The following TRPC4 variants were observed in gnomAD, a reference collection of about 807,000 sequenced individuals.
TRPC4 encodes short transient receptor potential channel 4.
TRPC4 carries 49 observed loss-of-function variants against 99.4 expected under a neutral mutation model. The observed-to-expected ratio is 0.49, with a 90% CI of 0.39 to 0.63. The LOEUF is 0.63. Ranked by LOEUF, TRPC4 falls within the 20% of genes least tolerant of loss-of-function variation. TRPC4 has a pLI of 0.00. For missense variants in TRPC4, 898 were observed against 1,152.9 expected, an observed-to-expected ratio of 0.78 and a Z score of 3.20; for synonymous variants, 454 against 425.9, an observed-to-expected ratio of 1.07 and a Z score of -0.81.
intron 3 of TRPC4, among the ~76,000 whole-genome samples, chr13:37,710,780 C>A (rs1954457077): frequency 6.6e-6 from 1 of 151,794 alleles, no homozygotes; most frequent in African/African-American, 2.4e-5. Context: ...CTAGAGATAT[C>A]TGGCCATGGA....
At chr13:37,653,396 AAAGAAAGAAAGAGG>A (rs1395872268) in intron 7 of TRPC4, among the ~76,000 whole-genome samples, 1 of 151,508 alleles carries the variant, frequency 6.6e-6, no homozygotes, top group African/African-American at 2.4e-5. Context: ...TTAACAAGAA[AAAGAAAGAAAGAGG>A]AAGAAAGAAA....
chr13:37,709,031 A>G (rs151203042), intron 3 of TRPC4, among the ~76,000 whole-genome samples: 10 of 152,122 alleles, frequency 6.6e-5, no homozygotes, highest in Admixed American at 4.6e-4. Context: ...CTTCCCAGAG[A>G]AGGAAATATC....
intron 3 of TRPC4, among the ~76,000 whole-genome samples, chr13:37,742,682 T>G (rs553557867): frequency 6.6e-6 from 1 of 152,258 alleles, no homozygotes; most frequent in South Asian, 2.1e-4. Context: ...TTCCAAATCC[T>G]GAGAGATGGA....
rs539775381 is a variant in TRPC4, at chr13:37,759,728, C to T, written c.379-13273G>A. ...AAGTTTGAAAAGCTATGGAGACAGG[C>T]TCCCCCATTCATTGAAAGCTAGAGG... On this transcript the variant is annotated intron_variant, in intron 2 of 10. Coordinates refer to ENST00000379705, the MANE Select transcript of TRPC4 (RefSeq NM_016179.4). Among the ~76,000 whole-genome samples, 381 of 151,982 alleles carry T rather than the reference C, an allele frequency of 2.5e-3. 1 individual carries two copies. The highest frequency in any genetic ancestry group is 8.6e-3 in the African/African-American group (355 of 41,506).
chr13:37,733,534 A>G (rs748060244), intron 3 of TRPC4, among the ~76,000 whole-genome samples: 5 of 152,162 alleles, frequency 3.3e-5, no homozygotes, highest in South Asian at 2.1e-4. Context: ...GAGAAAGACA[A>G]TGAGTTCTTC....
At chr13:37,717,373 GT>G (rs1954713815) in intron 3 of TRPC4, among the ~76,000 whole-genome samples, 1 of 152,110 alleles carries the variant, frequency 6.6e-6, no homozygotes, top group Non-Finnish European at 1.5e-5. Flanking sequence ...ATGGACATAG[GT>G]TGTATTTTAC....
chr13:37,655,449 TAA>T (rs1952197946), intron 6 of TRPC4, among the ~76,000 whole-genome samples, 166 bp from the exon 7 acceptor site: 1 of 151,230 alleles, frequency 6.6e-6, no homozygotes, highest in African/African-American at 2.4e-5. Context: ...AATTAAACGA[TAA>T]AAAGAGTGAA....
intron 1 of TRPC4, among the ~76,000 whole-genome samples, chr13:37,832,316 CA>C (rs1231101265): frequency 6.6e-6 from 1 of 152,076 alleles, no homozygotes; most frequent in Non-Finnish European, 1.5e-5. Context: ...CTGAGGCGGG[CA>C]GATCATTTGA....
chr13:37,762,465 C>A (rs529028257), intron 2 of TRPC4, among the ~76,000 whole-genome samples: 137 of 151,452 alleles, frequency 9.0e-4, no homozygotes, highest in Non-Finnish European at 1.8e-3. Context: ...TTGGAACCAA[C>A]CCAAATGTCC....
chr13:37,864,328 G>A (rs1242776768), intron 1 of TRPC4, among the ~76,000 whole-genome samples: 1 of 151,512 alleles, frequency 6.6e-6, no homozygotes, highest in Non-Finnish European at 1.5e-5. Context: ...CACTTAAACT[G>A]AAACACATTA....
At position 37,855,364 on chromosome 13, in the gene TRPC4, A is replaced by C. The variant is rs146319511; in HGVS notation, c.-28+14231T>G. On this transcript the variant is annotated intron_variant, in intron 1 of 10. Coordinates refer to ENST00000379705, the MANE Select transcript of TRPC4 (RefSeq NM_016179.4). Reference sequence around the variant, plus strand: ...TATATATATATATATATATGCACCTAATTCTAAAGCACCCAGATAGAAAAA... The same window carrying C: ...TATATATATATATATATATGCACCTCATTCTAAAGCACCCAGATAGAAAAA... 6.4e-4 allele frequency among the ~76,000 whole-genome samples: 93 copies of C among 146,204 alleles called. 1 individual carries two copies. In the East Asian group the frequency reaches 0.016, roughly 25 times the overall value.
intron 4 of TRPC4, among the ~76,000 whole-genome samples, chr13:37,690,792 A>G (rs1953666268): frequency 6.9e-6 from 1 of 145,582 alleles, no homozygotes; most frequent in South Asian, 2.2e-4. Context: ...TGAAAAACAT[A>G]TTTATCTCAA....
chr13:37,744,881 G>C (rs1365490764), intron 3 of TRPC4, among the ~76,000 whole-genome samples: 1 of 152,048 alleles, frequency 6.6e-6, no homozygotes, highest in Non-Finnish European at 1.5e-5. Flanking sequence ...GGCTGATTAA[G>C]GGTAAGAAGT....
At chr13:37,641,280 G>C (rs923692427) in intron 8 of TRPC4, among the ~76,000 whole-genome samples, 1 of 152,090 alleles carries the variant, frequency 6.6e-6, no homozygotes, top group Non-Finnish European at 1.5e-5. Flanking sequence ...TTGTCAAAAA[G>C]AGAGAGGAAC....
chr13:37,671,901 T>A (rs533032679), intron 5 of TRPC4, among the ~76,000 whole-genome samples: 14 of 152,330 alleles, frequency 9.2e-5, no homozygotes, highest in Admixed American at 5.2e-4. Flanking sequence ...TGAACTCCTA[T>A]GACCATATAT....
At chr13:37,764,505 A>G (rs78144684) in intron 2 of TRPC4, among the ~76,000 whole-genome samples, 14,828 of 151,314 alleles carry the variant, frequency 0.098, 837 homozygotes, top group Admixed American at 0.17. Context: ...TTATGTAGAC[A>G]AATTATCTGA....
At chr13:37,670,840 T>C (rs1273294983) in intron 5 of TRPC4, among the ~76,000 whole-genome samples, 1 of 152,196 alleles carries the variant, frequency 6.6e-6, no homozygotes, top group African/African-American at 2.4e-5. Flanking sequence ...ACACTCTGAC[T>C]TTTGCATATT....
Position 37,635,112 on chromosome 13 carries a change from A to T in TRPC4, c.*1791T>A, listed in dbSNP as rs564728468. ...ATACAGCACATTTTATATTTTGCAC[A>T]CTTCTCTTGCTTTAGAAGAAGGGAC... On this transcript the variant is annotated 3_prime_UTR_variant, in exon 11 of 11. Coordinates refer to ENST00000379705, the MANE Select transcript of TRPC4 (RefSeq NM_016179.4). Among the ~76,000 whole-genome samples, 5 of 152,276 alleles carry T rather than the reference A, an allele frequency of 3.3e-5. No homozygotes were observed. The East Asian group carries it at 9.7e-4, about 29-fold the overall frequency.
chr13:37,761,626 T>C (rs990100533), intron 2 of TRPC4, among the ~76,000 whole-genome samples: 2 of 151,896 alleles, frequency 1.3e-5, no homozygotes, highest in African/African-American at 4.8e-5. Context: ...TTAGTTCCCA[T>C]AGGGCTGTGG....
Sources: gnomAD v4.1 joint callset for allele counts (sites outside exome capture counted in the v4.1 genomes callset) on GRCh38, gnomAD v4.1.1 for gene constraint, MANE v1.5 for transcripts, NCBI Gene and HGNC (gene_info 2026-07-23, HGNC 2026-07-21) for gene names.